Variants in PDGFRA observed in about 807,000 individuals in gnomAD.
PDGFRA encodes the protein platelet derived growth factor receptor alpha.
A neutral mutation model predicts 121.5 loss-of-function variants in PDGFRA; 25 were observed. The observed-to-expected ratio is 0.21, with a 90% CI of 0.15 to 0.29. PDGFRA has a LOEUF of 0.29. Among genes scored for constraint, PDGFRA ranks in the 10% least tolerant of loss-of-function variants. PDGFRA has a pLI of 1.00. For missense variants in PDGFRA, 1,008 were observed against 1,345.1 expected, an observed-to-expected ratio of 0.75 and a Z score of 3.92; for synonymous variants, 463 against 494.8, an observed-to-expected ratio of 0.94 and a Z score of 0.85.
At chr4:54,233,776 C>T (rs28473693) in intron 1 of PDGFRA, among the ~76,000 whole-genome samples, 3,498 of 152,308 alleles carry the variant, frequency 0.023, 138 homozygotes, top group African/African-American at 0.079. Context: ...GGGGGGCAGG[C>T]GCCGTCTTCT....
intron 1 of PDGFRA, chr4:54,240,132 T>C (rs1458280996): frequency 6.6e-6 from 2 of 304,932 alleles, no homozygotes; most frequent in South Asian, 5.1e-5. Context: ...GGATTATAGG[T>C]GTGAGCCACT....
intron 3 of PDGFRA, among the ~76,000 whole-genome samples, chr4:54,261,898 CATATATAT>C (rs397880252): frequency 1.9e-3 from 185 of 95,252 alleles, no homozygotes; most frequent in Middle Eastern, 6.8e-3. Context: ...AAAAAAGTTA[CATATATAT>C]ATATATATAT....
intron 1 of PDGFRA, among the ~76,000 whole-genome samples, chr4:54,233,908 C>A (rs947475003): frequency 6.6e-6 from 1 of 152,196 alleles, no homozygotes; most frequent in Non-Finnish European, 1.5e-5. Flanking sequence ...GCGGCCGTCG[C>A]GGCCCTCGCC....
At chr4:54,281,600 C>T in intron 16 of PDGFRA, 2 of 1,352,960 alleles carry the variant, frequency 1.5e-6, no homozygotes, top group Admixed American at 2.2e-5. Context: ...GTGGAGTTGG[C>T]ACGAGATGTC....
chr4:54,268,452 A>T (rs1413886772), intron 7 of PDGFRA, among the ~76,000 whole-genome samples: 1 of 152,204 alleles, frequency 6.6e-6, no homozygotes, highest in Non-Finnish European at 1.5e-5. Context: ...AGAACCCAAG[A>T]GTCAGAAGAT....
intron 1 of PDGFRA, among the ~76,000 whole-genome samples, chr4:54,246,643 C>T (rs1180859663): frequency 6.6e-6 from 1 of 151,860 alleles, no homozygotes; most frequent in Admixed American, 6.6e-5. Flanking sequence ...ACCCTAACAT[C>T]ACAATTAAAA....
chr4:54,264,152 T>C, intron 4 of PDGFRA: 1 of 585,838 alleles, frequency 1.7e-6, no homozygotes, highest in Non-Finnish European at 3.0e-6. Context: ...GTTTCATCAG[T>C]TGACTTCAAA....
rs1723616981 is a variant in PDGFRA, at chr4:54,274,731, G to T, written c.1653+106G>T. On this transcript the variant is annotated intron_variant, in intron 11 of 22. Transcript: ENST00000257290. ...AGAAGGAGCTCAGCAATTACATGTG[G>T]AGTGAACGTTGTTGGACTCTACTGT... is the stretch of plus-strand genomic sequence containing the variant. 3.5e-6 allele frequency: 5 copies of T among 1,443,976 alleles called. No individual in the cohort carries two copies. The East Asian group carries it at 1.1e-4, about 33-fold the overall frequency. The allele number at this position is 1,443,976 out of a possible 1,614,324, so 89.4% of individuals were successfully genotyped here.
At chr4:54,263,475 T>C (rs1722862052) in intron 3 of PDGFRA, among the ~76,000 whole-genome samples, 192 bp from the exon 4 acceptor site, 1 of 152,206 alleles carries the variant, frequency 6.6e-6, no homozygotes, top group South Asian at 2.1e-4. Flanking sequence ...GGCAATTTGG[T>C]ATTATTCATA....
chr4:54,249,757 C>T (rs1276370661), intron 1 of PDGFRA, among the ~76,000 whole-genome samples: 2 of 151,298 alleles, frequency 1.3e-5, no homozygotes, highest in African/African-American at 2.4e-5. Flanking sequence ...GCACATTGTG[C>T]GCATGTACCC....
At chr4:54,262,518 T>G (rs1722805772) in intron 3 of PDGFRA, among the ~76,000 whole-genome samples, 1 of 152,224 alleles carries the variant, frequency 6.6e-6, no homozygotes, top group Admixed American at 6.5e-5. Flanking sequence ...ATCCTTGCTG[T>G]TTTGGCATAG....
intron 1 of PDGFRA, among the ~76,000 whole-genome samples, chr4:54,247,110 A>C (rs1364188111): frequency 6.6e-6 from 1 of 152,204 alleles, no homozygotes; most frequent in Non-Finnish European, 1.5e-5. Context: ...CCAGGACCAG[A>C]TGGATTCACA....
chr4:54,242,532 T>C (rs960936203), intron 1 of PDGFRA, among the ~76,000 whole-genome samples: 3 of 152,156 alleles, frequency 2.0e-5, no homozygotes, highest in Admixed American at 6.5e-5. Context: ...GGATATTCCA[T>C]AGTCATATTT....
At chr4:54,247,334 A>G (rs1721739966) in intron 1 of PDGFRA, among the ~76,000 whole-genome samples, 1 of 152,352 alleles carries the variant, frequency 6.6e-6, no homozygotes, top group Non-Finnish European at 1.5e-5. Context: ...AATACTGGCA[A>G]ACAGAATCCA....
chr4:54,280,293 G>A (rs781531835), intron 15 of PDGFRA, 23 bp from the exon 16 acceptor site: 7 of 1,609,692 alleles, frequency 4.3e-6, no homozygotes. Context: ...CCCTGGGTAA[G>A]ATTTCTCTTT....
intron 12 of PDGFRA, 98 bp downstream of exon 12, chr4:54,275,071 T>A: frequency 7.8e-7 from 1 of 1,285,926 alleles, no homozygotes; most frequent in Non-Finnish European, 1.1e-6. Context: ...AGCTTGTGCT[T>A]AGTAAGAACT....
At chr4:54,261,927 AT>A in intron 3 of PDGFRA, among the ~76,000 whole-genome samples, 1 of 84,402 alleles carries the variant, frequency 1.2e-5, no homozygotes, top group African/African-American at 5.6e-5. Flanking sequence ...ATATATATAT[AT>A]ATATTTTTTT....
intron 1 of PDGFRA, among the ~76,000 whole-genome samples, chr4:54,238,662 C>A (rs866369532): frequency 6.6e-6 from 1 of 152,012 alleles, no homozygotes; most frequent in African/African-American, 2.4e-5. Context: ...TCATAAAGAC[C>A]CCAGTGATAA....
intron 1 of PDGFRA, among the ~76,000 whole-genome samples, chr4:54,245,188 C>CCAA (rs1369290716): frequency 6.6e-5 from 10 of 152,042 alleles, no homozygotes; most frequent in Admixed American, 4.6e-4. Context: ...GCAAGGCAGG[C>CCAA]CAACATTCAG....
Sources: gnomAD v4.1 joint callset for allele counts (sites outside exome capture counted in the v4.1 genomes callset) on GRCh38, gnomAD v4.1.1 for gene constraint, MANE v1.5 for transcripts, NCBI Gene and HGNC (gene_info 2026-07-23, HGNC 2026-07-21) for gene names.